The following NDUFAF7 variants were observed in gnomAD, a reference collection of about 807,000 sequenced individuals.
NDUFAF7 encodes the protein protein arginine methyltransferase NDUFAF7, mitochondrial.
A neutral mutation model predicts 47.2 loss-of-function variants in NDUFAF7; 48 were observed. The ratio of observed to expected loss-of-function variants is 1.02; its 90% CI spans 0.81 to 1.29. The LOEUF is 1.29. Ranked by LOEUF, NDUFAF7 falls within the 50% of genes most tolerant of loss-of-function variation. NDUFAF7 has a pLI of 0.00. For synonymous variants in NDUFAF7, 217 were observed against 190.0 expected (o/e 1.14, Z -1.17); for missense variants, 635 against 537.6 (o/e 1.18, Z -1.79).
At chr2:37,236,505 A>T (rs1279964659) in intron 3 of NDUFAF7, among the ~76,000 whole-genome samples, 1 of 151,986 alleles carries the variant, frequency 6.6e-6, no homozygotes, top group African/African-American at 2.4e-5. Context: ...GGCCAGGCGT[A>T]GTGGCTCACA....
the NDUFAF7 span, chr2:37,259,809 C>A: frequency 3.1e-6 from 2 of 654,572 alleles, no homozygotes; most frequent in East Asian, 5.5e-5. Context: ...GTGTGTTATT[C>A]TGCTCCTTAA....
chr2:37,237,208 G>T (rs1461085796), intron 3 of NDUFAF7, among the ~76,000 whole-genome samples: 1 of 152,158 alleles, frequency 6.6e-6, no homozygotes, highest in Non-Finnish European at 1.5e-5. Flanking sequence ...GACCTCAGGT[G>T]GTCCACCCGC....
At chr2:37,238,036 C>G (rs1001680649) in intron 4 of NDUFAF7, among the ~76,000 whole-genome samples, 169 bp downstream of exon 4, 1 of 151,840 alleles carries the variant, frequency 6.6e-6, no homozygotes, top group Non-Finnish European at 1.5e-5. Flanking sequence ...TGTCTGTAAA[C>G]TTAAAAATTG....
chr2:37,238,894 G>A (rs1457432439), intron 4 of NDUFAF7, among the ~76,000 whole-genome samples: 1 of 137,100 alleles, frequency 7.3e-6, no homozygotes. Flanking sequence ...AAATACAAAC[G>A]GCTAAAAAAG....
chr2:37,232,175 C>G lies in NDUFAF7; in HGVS notation c.125C>G (p.Pro42Arg). The G allele has an allele frequency of 1.2e-6, 2 of 1,614,146 alleles. No homozygotes were observed. The highest frequency in any genetic ancestry group is 1.7e-6 in the Non-Finnish European group (2 of 1,180,030). ...GAGCCTGCAGAAAACCCGGTGACGC[C>G]GATGCTGCGGCATCTTATGTACAAA... ...GNEPAENPVT[P>R]MLRHLMYKIK... The change falls in exon 2 of 10, where the codon CCG becomes CGG. Residue 42 changes from proline (P) to arginine (R), a missense_variant. Transcript: ENST00000002125.
intron 2 of NDUFAF7, among the ~76,000 whole-genome samples, 187 bp from the exon 3 acceptor site, chr2:37,235,909 C>T (rs368062686): frequency 1.1e-4 from 17 of 152,234 alleles, no homozygotes; most frequent in East Asian, 3.9e-4. Flanking sequence ...CCACCCGTCT[C>T]GGCCTCCCAA....
In NDUFAF7 at chr2:37,247,642, T is replaced by G. The variant is rs774781546; in HGVS notation, c.1110+13T>G. 3 of 1,613,190 alleles carry G rather than the reference T, an allele frequency of 1.9e-6. No homozygotes were observed. In the East Asian group the frequency reaches 6.7e-5, roughly 36 times the overall value. ...TGTCCGGCTGAAGGTAAGGTTTATT[T>G]TATTTCACTGTTATTAAGTACTTTC... On this transcript the variant is annotated intron_variant, in intron 9 of 9. Transcript: ENST00000002125.
At chr2:37,254,950 G>T (rs1667813440), downstream of NDUFAF7, among the ~76,000 whole-genome samples, 2 of 152,162 alleles carry the variant, frequency 1.3e-5, 1 homozygote, top group South Asian at 4.1e-4. Flanking sequence ...GCAAAACCAA[G>T]GCAACCAATA....
At chr2:37,257,019 A>C, downstream of NDUFAF7, 1 of 1,341,884 alleles carries the variant, frequency 7.5e-7, no homozygotes, top group South Asian at 1.3e-5. Context: ...GTATCATTTC[A>C]ACATACTTGC....
downstream of NDUFAF7, chr2:37,257,032 G>T: frequency 8.1e-7 from 1 of 1,228,812 alleles, no homozygotes; most frequent in Non-Finnish European, 1.1e-6. Flanking sequence ...ATACTTGCCA[G>T]CTCTACTGAT....
intron 1 of NDUFAF7, 49 bp downstream of exon 1, chr2:37,231,809 G>A: frequency 6.2e-7 from 1 of 1,612,248 alleles, no homozygotes; most frequent in Non-Finnish European, 8.5e-7. Flanking sequence ...GCCGCGTGGG[G>A]CGCCTTCCTC....
chr2:37,259,384 A>G, the NDUFAF7 span, among the ~76,000 whole-genome samples: 109,728 of 152,220 alleles, frequency 0.72, 40,406 homozygotes, highest in East Asian at 0.98. Context: ...ATCTTAAAAA[A>G]TCTTGAATAT....
At chr2:37,261,531 A>G in the NDUFAF7 span, among the ~76,000 whole-genome samples, 3 of 152,044 alleles carry the variant, frequency 2.0e-5, no homozygotes, top group Non-Finnish European at 4.4e-5. Context: ...CTGTAATCCC[A>G]ACATTTTGCG....
downstream of NDUFAF7, chr2:37,252,138 A>G (rs1667549827): frequency 6.6e-6 from 1 of 152,108 alleles, no homozygotes; most frequent in Non-Finnish European, 1.5e-5. Context: ...AAAATAATTG[A>G]CTTTAAAACA....
chr2:37,263,082 T>C, the NDUFAF7 span, among the ~76,000 whole-genome samples: 1 of 152,180 alleles, frequency 6.6e-6, no homozygotes, highest in Non-Finnish European at 1.5e-5. Flanking sequence ...CTGCTTTCTT[T>C]AGGTTTATTT....
At chr2:37,249,643 GACACACACACACACAC>G (rs56208997), downstream of NDUFAF7, among the ~76,000 whole-genome samples, 247 of 132,622 alleles carry the variant, frequency 1.9e-3, 1 homozygote, top group African/African-American at 6.7e-3. Flanking sequence ...CTGTGATAGA[GACACACACACACACAC>G]ACACACACAC....
At chr2:37,253,075 T>C, downstream of NDUFAF7, 11 of 1,213,888 alleles carry the variant, frequency 9.1e-6, no homozygotes, top group Non-Finnish European at 1.3e-5. Flanking sequence ...TATTTCTTCA[T>C]ATCTTTGCAG....
downstream of NDUFAF7, among the ~76,000 whole-genome samples, chr2:37,255,923 A>G (rs1016275010): frequency 6.6e-6 from 1 of 152,142 alleles, no homozygotes; most frequent in Non-Finnish European, 1.5e-5. Context: ...CTGAGGTGGG[A>G]GGATCACTTG....
chr2:37,238,699 C>A (rs955760147), intron 4 of NDUFAF7, among the ~76,000 whole-genome samples: 1 of 151,734 alleles, frequency 6.6e-6, no homozygotes, highest in Admixed American at 6.6e-5. Context: ...GCTTTTTGTT[C>A]TTCAGAGACC....
Sources: allele counts gnomAD v4.1 joint callset (sites outside exome capture counted in the v4.1 genomes callset), GRCh38; gene constraint gnomAD v4.1.1; transcripts MANE v1.5; gene names NCBI Gene and HGNC (gene_info 2026-07-23, HGNC 2026-07-21).